Variants in PAPSS2 observed in about 807,000 individuals in gnomAD.
The protein encoded by PAPSS2 is 3'-phosphoadenosine 5'-phosphosulfate synthase 2.
A neutral mutation model predicts 66.5 loss-of-function variants in PAPSS2; 61 were observed. The observed-to-expected ratio is 0.92, with a 90% CI of 0.75 to 1.14. PAPSS2 has a LOEUF of 1.14. Among genes scored for constraint, PAPSS2 ranks in the 50% most tolerant of loss-of-function variants. The pLI, the probability that PAPSS2 is intolerant of heterozygous loss-of-function variation, is 0.00. For missense variants in PAPSS2, 708 were observed against 789.6 expected (o/e 0.90, Z 1.24); for synonymous variants, 289 against 287.5 (o/e 1.01, Z -0.05).
At chr10:87,726,690 A>T (rs758346906) in intron 8 of PAPSS2, among the ~76,000 whole-genome samples, 2 of 152,236 alleles carry the variant, frequency 1.3e-5, no homozygotes, top group Non-Finnish European at 2.9e-5. Flanking sequence ...GATTAGTATT[A>T]AAAAAGACAA....
At chr10:87,688,637 T>C (rs1310517466) in intron 1 of PAPSS2, among the ~76,000 whole-genome samples, 1 of 151,892 alleles carries the variant, frequency 6.6e-6, no homozygotes, top group Non-Finnish European at 1.5e-5. Flanking sequence ...TTTTTTTGTA[T>C]TTTTAGTAGA....
At chr10:87,660,350 C>T in intron 1 of PAPSS2, 1 of 482,698 alleles carries the variant, frequency 2.1e-6, no homozygotes, top group Non-Finnish European at 3.7e-6. Context: ...TCTTCCAGAC[C>T]CGCCTTTTCT....
At chr10:87,709,357 C>T in intron 2 of PAPSS2, 44 bp downstream of exon 2, 1 of 1,158,074 alleles carries the variant, frequency 8.6e-7, no homozygotes, top group Non-Finnish European at 1.3e-6. Context: ...AAATTGCAAA[C>T]TGACATGTGA....
intron 1 of PAPSS2, among the ~76,000 whole-genome samples, chr10:87,682,860 G>C (rs1853039312): frequency 6.6e-6 from 1 of 152,110 alleles, no homozygotes; most frequent in South Asian, 2.1e-4. Context: ...GCCAGTAAAG[G>C]TGAAGCAGCT....
In PAPSS2 at chr10:87,706,100, A is replaced by G. The variant is rs1181661429; in HGVS notation, c.28-3096A>G. On this transcript the variant is annotated intron_variant, in intron 1 of 12. Coordinates refer to ENST00000456849, the MANE Select transcript of PAPSS2 (RefSeq NM_001015880.2). Reference sequence around the variant, plus strand: ...CTTCACATGGTATATATATATATATATATATATATGTGTGTGTGTGTGTGT... The same window carrying G: ...CTTCACATGGTATATATATATATATGTATATATATGTGTGTGTGTGTGTGT... Among the ~76,000 whole-genome samples the G allele has an allele frequency of 8.6e-3, 687 of 80,296 alleles. 23 individuals carry two copies. Among genetic ancestry groups the G allele is most frequent in the African/African-American group, 0.048 (626 of 12,950 alleles). 52.7% of individuals were successfully genotyped at this position (80,296 alleles called of 152,430 possible). A position where few individuals can be genotyped will look rare whatever the true frequency, so the allele number is the denominator to read the frequency against.
chr10:87,718,792 A>C (rs1853562871), intron 7 of PAPSS2, among the ~76,000 whole-genome samples: 1 of 152,200 alleles, frequency 6.6e-6, no homozygotes. Context: ...ACTGTCTAGG[A>C]GGTTGCTTTA....
intron 9 of PAPSS2, among the ~76,000 whole-genome samples, chr10:87,732,583 C>A (rs557313679): frequency 6.6e-6 from 1 of 152,176 alleles, no homozygotes; most frequent in Non-Finnish European, 1.5e-5. Context: ...TTGCACACTT[C>A]ATAGACTACA....
intron 1 of PAPSS2, 81 bp from the exon 2 acceptor site, chr10:87,709,115 T>G: frequency 1.1e-6 from 1 of 922,644 alleles, no homozygotes; most frequent in Non-Finnish European, 1.8e-6. Context: ...ATTAAAAGTT[T>G]AAGATGGATT....
At chr10:87,684,661 G>GT (rs1164183739) in intron 1 of PAPSS2, among the ~76,000 whole-genome samples, 1 of 152,186 alleles carries the variant, frequency 6.6e-6, no homozygotes, top group African/African-American at 2.4e-5. Context: ...ATTGTGTAAA[G>GT]ACATCACAAT....
In PAPSS2 at chr10:87,745,895, TC is replaced by T. The variant is rs1853931929; in HGVS notation, c.1790del (p.Pro597GlnfsTer13). ...GGAAGCTCGCCCGGGAAGGAGAGAA[TC>T]CCCCAGATGGCTTCATGGCCCCCAA... ...MRKLAREGENPPDGFMAPKAW... is the reference protein window; with the variant it reads ...MRKLAREGENXPDGFMAPKAW... On this transcript the variant is annotated frameshift_variant, in exon 13 of 13. Transcript: ENST00000456849. LOFTEE classifies it high-confidence loss of function. 1 of 1,613,924 alleles carries T rather than the reference TC, an allele frequency of 6.2e-7. No individual in the cohort carries two copies. The highest frequency in any genetic ancestry group is 8.5e-7 in the Non-Finnish European group (1 of 1,179,910).
intron 1 of PAPSS2, among the ~76,000 whole-genome samples, chr10:87,680,011 A>G (rs1392705616): frequency 6.9e-6 from 1 of 145,806 alleles, no homozygotes; most frequent in Non-Finnish European, 1.5e-5. Flanking sequence ...CCTGAGCAAC[A>G]GTGAGAACCT....
At chr10:87,714,657 C>T in intron 4 of PAPSS2, 88 bp from the exon 5 acceptor site, 1 of 857,536 alleles carries the variant, frequency 1.2e-6, no homozygotes, top group Non-Finnish European at 2.0e-6. Flanking sequence ...CAGTTTAATA[C>T]ATTATTCCAA....
chr10:87,670,099 T>G (rs1007931785), intron 1 of PAPSS2, among the ~76,000 whole-genome samples: 1 of 152,238 alleles, frequency 6.6e-6, no homozygotes, highest in Non-Finnish European at 1.5e-5. Context: ...TCTTTCTTTA[T>G]GGTAACATAA....
At chr10:87,741,457 C>G in intron 10 of PAPSS2, 87 bp downstream of exon 10, 1 of 1,137,430 alleles carries the variant, frequency 8.8e-7, no homozygotes, top group Non-Finnish European at 1.3e-6. Context: ...TGCAATGGCA[C>G]GATCTCAGCT....
Position 87,743,617 on chromosome 10 carries a change from C to T in PAPSS2, c.1467C>T (p.Pro489=), listed in dbSNP as rs760101263. The stretch of plus-strand genomic sequence containing the variant: ...CCATTGTTGCCATCTTTCCGTCTCC[C>T]ATGTTATATGCTGGCCCCACAGAGG... ...KSTIVAIFPS[P]MLYAGPTEVQ... Residue 489 remains proline, a synonymous_variant, in exon 11 of 13, where the codon CCC becomes CCT. Transcript: ENST00000456849. 5 of 1,614,150 alleles carry T rather than the reference C, an allele frequency of 3.1e-6. No homozygotes were observed. Among genetic ancestry groups the T allele is most frequent in the Non-Finnish European group, 4.2e-6 (5 of 1,180,012 alleles).
intron 8 of PAPSS2, among the ~76,000 whole-genome samples, chr10:87,722,974 G>C (rs1853614621): frequency 6.6e-6 from 1 of 152,162 alleles, no homozygotes; most frequent in African/African-American, 2.4e-5. Flanking sequence ...GATGAAGGTA[G>C]ATTAGAGGCT....
chr10:87,728,364 A>T (rs1169386524), intron 9 of PAPSS2, among the ~76,000 whole-genome samples: 1 of 152,204 alleles, frequency 6.6e-6, no homozygotes, highest in Non-Finnish European at 1.5e-5. Flanking sequence ...AAGAGAGAGC[A>T]CTGTCAGACC....
chr10:87,661,842 G>T (rs774691120), intron 1 of PAPSS2, among the ~76,000 whole-genome samples: 5 of 152,156 alleles, frequency 3.3e-5, no homozygotes, highest in Non-Finnish European at 7.4e-5. Context: ...AACTGAAATA[G>T]AACTTTTCTG....
chr10:87,715,532 C>T (rs1853521881), intron 6 of PAPSS2, among the ~76,000 whole-genome samples, 200 bp from the exon 7 acceptor site: 3 of 152,236 alleles, frequency 2.0e-5, no homozygotes, highest in Admixed American at 6.5e-5. Context: ...AATCTTTTCA[C>T]CACTATTTCA....
Sources: allele counts gnomAD v4.1 joint callset (sites outside exome capture counted in the v4.1 genomes callset), GRCh38; gene constraint gnomAD v4.1.1; transcripts MANE v1.5; gene names NCBI Gene and HGNC (gene_info 2026-07-23, HGNC 2026-07-21).